Variants in SGSM1 observed in about 807,000 individuals in gnomAD.
SGSM1 encodes small G protein signaling modulator 1, also known as RUN and TBC1 domain containing 2.
SGSM1 carries 73 observed loss-of-function variants against 133.8 expected under a neutral mutation model. The ratio of observed to expected loss-of-function variants is 0.55; its 90% CI spans 0.45 to 0.66. The LOEUF is 0.66. Among genes scored for constraint, SGSM1 ranks in the 30% least tolerant of loss-of-function variants. The probability of loss-of-function intolerance (pLI) is 0.00; values close to 1 mark genes in which losing one functional copy is unlikely to be tolerated. For missense variants in SGSM1, 1,213 were observed against 1,448.1 expected (o/e 0.84, Z 2.64); for synonymous variants, 563 against 573.0 (o/e 0.98, Z 0.25).
chr22:24,924,477 A>C lies in SGSM1; in HGVS notation c.*203A>C. ...GAGTACCCCTTCAATTCAGCCTTAC[A>C]TTTTCCTGTTTGACCAAAGATTGCC... On this transcript the variant is annotated 3_prime_UTR_variant, in exon 25 of 25. Transcript: ENST00000400358. The C allele has an allele frequency of 3.6e-6, 2 of 553,908 alleles. No individual in the cohort carries two copies. Among genetic ancestry groups the C allele is most frequent in the Non-Finnish European group, 6.4e-6 (2 of 310,550 alleles). The allele number at this position is 553,908 out of a possible 1,614,324, so 34.3% of individuals were successfully genotyped here.
intron 2 of SGSM1, among the ~76,000 whole-genome samples, chr22:24,826,656 A>C (rs1047090255): frequency 1.3e-5 from 2 of 152,204 alleles, no homozygotes; most frequent in Non-Finnish European, 2.9e-5. Context: ...CCTAAGGAAG[A>C]GTAAGCAGCA....
chr22:24,888,333 T>G (rs1054144624), intron 16 of SGSM1, among the ~76,000 whole-genome samples: 1 of 152,176 alleles, frequency 6.6e-6, no homozygotes, highest in African/African-American at 2.4e-5. Flanking sequence ...ACATTTGAGG[T>G]AAAATCTTTT....
intron 5 of SGSM1, among the ~76,000 whole-genome samples, chr22:24,852,889 A>C (rs1386664871): frequency 6.6e-6 from 1 of 152,224 alleles, no homozygotes; most frequent in Admixed American, 6.5e-5. Flanking sequence ...ATTTGACACC[A>C]AAATGTACAG....
intron 10 of SGSM1, among the ~76,000 whole-genome samples, chr22:24,868,083 G>A (rs763004948): frequency 6.6e-6 from 1 of 152,156 alleles, no homozygotes; most frequent in African/African-American, 2.4e-5. Context: ...TTCCTGAGGA[G>A]CGTAGGGTTC....
chr22:24,922,756 G>A (rs979265869), intron 24 of SGSM1, among the ~76,000 whole-genome samples: 4 of 152,104 alleles, frequency 2.6e-5, no homozygotes, highest in East Asian at 1.9e-4. Flanking sequence ...GATTACAGGC[G>A]TGAGCCACCG....
At chr22:24,862,167 C>G (rs1331648390) in intron 9 of SGSM1, among the ~76,000 whole-genome samples, 2 of 152,082 alleles carry the variant, frequency 1.3e-5, no homozygotes, top group Non-Finnish European at 2.9e-5. Context: ...TCAGGCTGGT[C>G]TCGAACTCCC....
chr22:24,850,298 C>T lies in SGSM1; in HGVS notation c.321C>T (p.Gly107=). 6.2e-7 allele frequency: 1 copy of T among 1,603,804 alleles called. No individual in the cohort carries two copies. The highest frequency in any genetic ancestry group is 8.5e-7 in the Non-Finnish European group (1 of 1,175,136). ...LIESARNQIQ[G]LQENVRKLPK... The stretch of plus-strand genomic sequence containing the variant: ...CTTGAAGGAGAAACCAGATTCAAGG[C>T]CTCCAGGAGAATGTGCGGAAGCTGC... The change falls in exon 5 of 25, where the codon GGC becomes GGT. Residue 107 remains glycine (G), a synonymous_variant. Coordinates refer to ENST00000400358, the MANE Select transcript of SGSM1 (RefSeq NM_001098497.3).
At chr22:24,873,412 A>T (rs914815599) in intron 12 of SGSM1, among the ~76,000 whole-genome samples, 1 of 151,992 alleles carries the variant, frequency 6.6e-6, no homozygotes, top group Non-Finnish European at 1.5e-5. Context: ...CAGCTACTAG[A>T]TGACAGTAGC....
chr22:24,847,899 C>T, intron 4 of SGSM1, 103 bp downstream of exon 4: 1 of 1,419,486 alleles, frequency 7.0e-7, no homozygotes, highest in South Asian at 1.5e-5. Context: ...TCTTTTCAGT[C>T]TCCATCCTGC....
intron 12 of SGSM1, among the ~76,000 whole-genome samples, chr22:24,872,191 G>A (rs1931798320): frequency 6.6e-6 from 1 of 151,422 alleles, no homozygotes. Flanking sequence ...CACCCTGTGG[G>A]AGGGGAGATA....
chr22:24,845,927 TTTC>T (rs1230520315), intron 3 of SGSM1, among the ~76,000 whole-genome samples: 1 of 145,176 alleles, frequency 6.9e-6, no homozygotes, highest in African/African-American at 2.6e-5. Flanking sequence ...GGGCAAGATC[TTTC>T]TTTTCTTTTC....
At chr22:24,868,344 A>G (rs1021861661) in intron 10 of SGSM1, 32 bp from the exon 11 acceptor site, 8 of 1,593,392 alleles carry the variant, frequency 5.0e-6, no homozygotes, top group East Asian at 2.2e-5. Context: ...AGTGACTTCC[A>G]CTGGGTCTTC....
chr22:24,867,217 C>T, intron 10 of SGSM1, 57 bp downstream of exon 10: 1 of 1,534,218 alleles, frequency 6.5e-7, no homozygotes, highest in Non-Finnish European at 9.0e-7. Context: ...CCCTGCCTGT[C>T]TCCATCCCTG....
intron 2 of SGSM1, among the ~76,000 whole-genome samples, chr22:24,837,507 T>C (rs1261162364): frequency 6.6e-6 from 1 of 151,616 alleles, no homozygotes; most frequent in Non-Finnish European, 1.5e-5. Flanking sequence ...CGGGCGAGCC[T>C]GACTGATGTC....
chr22:24,834,051 A>C (rs939873146), intron 2 of SGSM1, among the ~76,000 whole-genome samples: 2 of 152,244 alleles, frequency 1.3e-5, no homozygotes, highest in Non-Finnish European at 2.9e-5. Flanking sequence ...GCCTCTGCTC[A>C]CTATGAGGGA....
chr22:24,844,657 G>A (rs1160324311), intron 2 of SGSM1: 19 of 514,988 alleles, frequency 3.7e-5, no homozygotes, highest in Non-Finnish European at 6.6e-5. Context: ...CCTAAGAGAA[G>A]CAGCAGCCTG....
At chr22:24,897,931 C>T (rs752568987) in intron 18 of SGSM1, 41 bp from the exon 19 acceptor site, 40 of 1,518,664 alleles carry the variant, frequency 2.6e-5, no homozygotes, top group Middle Eastern at 1.8e-4. Flanking sequence ...ATGCTGCAGT[C>T]GACATGCCGG....
intron 14 of SGSM1, among the ~76,000 whole-genome samples, chr22:24,882,815 A>G (rs560786159): frequency 6.6e-6 from 1 of 151,854 alleles, no homozygotes; most frequent in South Asian, 2.1e-4. Flanking sequence ...AGCTCCATCC[A>G]TGCTGCTGCG....
intron 20 of SGSM1, 137 bp from the exon 21 acceptor site, chr22:24,904,968 G>A (rs2123720205): frequency 2.7e-6 from 2 of 745,144 alleles, no homozygotes; most frequent in Admixed American, 1.8e-5. Flanking sequence ...AGAGAGATCG[G>A]GGATGGAGAT....
Sources: gnomAD v4.1 joint callset for allele counts (sites outside exome capture counted in the v4.1 genomes callset) on GRCh38, gnomAD v4.1.1 for gene constraint, MANE v1.5 for transcripts, NCBI Gene and HGNC (gene_info 2026-07-23, HGNC 2026-07-21) for gene names.